The following ZNF521 variants were observed in gnomAD, a reference collection of about 807,000 sequenced individuals.
ZNF521 encodes zinc finger protein 521, also known as LYST-interacting protein 3.
A neutral mutation model predicts 105.5 loss-of-function variants in ZNF521; 14 were observed. That is an observed-to-expected ratio of 0.13 (90% confidence interval 0.09 to 0.21). The LOEUF is 0.21. Among genes scored for constraint, ZNF521 ranks in the 10% least tolerant of loss-of-function variants. The probability of loss-of-function intolerance (pLI) is 1.00; values close to 1 mark genes in which losing one functional copy is unlikely to be tolerated. For synonymous variants in ZNF521, 635 were observed against 606.0 expected (o/e 1.05, Z -0.70); for missense variants, 1,233 against 1,629.7 (o/e 0.76, Z 4.19).
intron 4 of ZNF521, among the ~76,000 whole-genome samples, chr18:25,203,911 T>A (rs910532654): frequency 6.6e-6 from 1 of 152,104 alleles, no homozygotes; most frequent in Admixed American, 6.6e-5. Context: ...GGTATTTGGG[T>A]CATGGAGGTG....
chr18:25,319,997 A>C (rs1912850926), intron 3 of ZNF521, among the ~76,000 whole-genome samples: 1 of 152,206 alleles, frequency 6.6e-6, no homozygotes. Flanking sequence ...GGAAAGACAG[A>C]GGCTGAGAGA....
At position 25,107,809 on chromosome 18, in the gene ZNF521, A is replaced by G. The variant is rs112832105; in HGVS notation, c.3659-15728T>C. 7.2e-5 allele frequency among the ~76,000 whole-genome samples: 11 copies of G among 152,224 alleles called. 1 individual carries two copies. Among genetic ancestry groups the G allele is most frequent in the African/African-American group, 2.6e-4 (11 of 41,524 alleles). On this transcript the variant is annotated intron_variant, in intron 5 of 7. Coordinates refer to ENST00000361524, the MANE Select transcript of ZNF521 (RefSeq NM_015461.3). ...CTCTCCTTATACTTAACCTTGTCCTATTGTACAAAATGTGGGAGTACTTCC... is the reference window on the plus strand; with the variant it reads ...CTCTCCTTATACTTAACCTTGTCCTGTTGTACAAAATGTGGGAGTACTTCC...
chr18:25,063,782 T>C (rs2032976435), intron 7 of ZNF521, among the ~76,000 whole-genome samples: 1 of 152,186 alleles, frequency 6.6e-6, no homozygotes, highest in Non-Finnish European at 1.5e-5. Context: ...CTCTGTGCTT[T>C]CCTGGAGCCA....
chr18:25,135,125 G>T (rs2034708728), intron 5 of ZNF521, among the ~76,000 whole-genome samples: 1 of 152,058 alleles, frequency 6.6e-6, no homozygotes, highest in Non-Finnish European at 1.5e-5. Flanking sequence ...GATTTTTACT[G>T]TTCTTGCCAA....
chr18:25,241,029 A>C (rs1389083618), intron 3 of ZNF521, among the ~76,000 whole-genome samples: 1 of 151,838 alleles, frequency 6.6e-6, no homozygotes, highest in East Asian at 1.9e-4. Context: ...TAAAAGTGCA[A>C]TATGTAAACA....
At chr18:25,181,155 T>G (rs988148860) in intron 5 of ZNF521, among the ~76,000 whole-genome samples, 1 of 152,198 alleles carries the variant, frequency 6.6e-6, no homozygotes, top group Non-Finnish European at 1.5e-5. Context: ...TCCTGCTTGA[T>G]AAATTCCAAC....
chr18:25,242,254 T>C (rs547129381), intron 3 of ZNF521, among the ~76,000 whole-genome samples: 20 of 152,262 alleles, frequency 1.3e-4, no homozygotes, highest in Middle Eastern at 3.4e-3. Context: ...CAAATCCACA[T>C]CCCCGATCTC....
At chr18:25,095,509 C>A (rs1018177006) in intron 5 of ZNF521, among the ~76,000 whole-genome samples, 1 of 152,124 alleles carries the variant, frequency 6.6e-6, no homozygotes, top group African/African-American at 2.4e-5. Context: ...ATGGGATCTT[C>A]GAACGAAACT....
At chr18:25,165,120 CTTCTT>C (rs1159208414) in intron 5 of ZNF521, among the ~76,000 whole-genome samples, 1 of 152,166 alleles carries the variant, frequency 6.6e-6, no homozygotes, top group Non-Finnish European at 1.5e-5. Flanking sequence ...GTATTCTATG[CTTCTT>C]TTCTTTTTCA....
chr18:25,205,639 C>T (rs540562187), intron 4 of ZNF521, among the ~76,000 whole-genome samples: 1 of 152,170 alleles, frequency 6.6e-6, no homozygotes, highest in South Asian at 2.1e-4. Context: ...CATCACATGC[C>T]CAGAGAGACC....
chr18:25,259,970 C>G (rs1908796885), intron 3 of ZNF521, among the ~76,000 whole-genome samples: 2 of 152,270 alleles, frequency 1.3e-5, no homozygotes, highest in Admixed American at 1.3e-4. Context: ...GTGGGGCTAC[C>G]AGAGCAAACA....
At chr18:25,305,253 T>G (rs1911910501) in intron 3 of ZNF521, among the ~76,000 whole-genome samples, 1 of 152,216 alleles carries the variant, frequency 6.6e-6, no homozygotes. Flanking sequence ...TATCAATATT[T>G]TTCATTGTAC....
rs776817930 is a variant in ZNF521, at chr18:25,227,121, G to A, written c.797C>T (p.Ala266Val). The A allele has an allele frequency of 6.2e-7, 1 of 1,614,172 alleles. No individual in the cohort carries two copies. The highest frequency in any genetic ancestry group is 8.5e-7 in the Non-Finnish European group (1 of 1,180,020). The stretch of plus-strand genomic sequence containing the variant: ...TGGGGAGCATTCGGGGTGGCACTCT[G>A]CAATGTGTTTTTGGAGGTCTTCCGG... Reference protein sequence around the residue: ...DFPEDLQKHIAECHPECSPNE... With the variant: ...DFPEDLQKHIVECHPECSPNE... Residue 266 changes from alanine (A) to valine (V), a missense_variant, in exon 4 of 8, where the codon GCA (alanine) becomes GTA (valine). Coordinates refer to ENST00000361524, the MANE Select transcript of ZNF521 (RefSeq NM_015461.3). This position sits in a 1 kb window ranked among gnomAD's most constrained non-coding sequence, Gnocchi z 5.7.
chr18:25,263,161 T>C (rs1185819739), intron 3 of ZNF521, among the ~76,000 whole-genome samples: 1 of 152,178 alleles, frequency 6.6e-6, no homozygotes, highest in East Asian at 1.9e-4. Flanking sequence ...GAGTCTCACT[T>C]AGCCCCAGGA....
intron 5 of ZNF521, among the ~76,000 whole-genome samples, chr18:25,160,259 C>T (rs561365023): frequency 1.4e-4 from 21 of 152,286 alleles, no homozygotes; most frequent in African/African-American, 5.1e-4. Context: ...GAGGATAGAA[C>T]AGTGCAGCCA....
At chr18:25,186,457 A>G (rs910615669) in intron 5 of ZNF521, among the ~76,000 whole-genome samples, 3 of 152,226 alleles carry the variant, frequency 2.0e-5, no homozygotes, top group African/African-American at 4.8e-5. Flanking sequence ...ATGACTTGGA[A>G]TAACAGGGTA....
intron 5 of ZNF521, among the ~76,000 whole-genome samples, chr18:25,163,032 A>T (rs77946636): frequency 0.02 from 2,995 of 152,182 alleles, 95 homozygotes; most frequent in African/African-American, 0.068. Context: ...TTGCTCTTTC[A>T]TTTGCAGAGA....
At chr18:25,138,778 G>A (rs1038788239) in intron 5 of ZNF521, among the ~76,000 whole-genome samples, 2 of 152,142 alleles carry the variant, frequency 1.3e-5, no homozygotes, top group Admixed American at 6.6e-5. Flanking sequence ...GTTGAGAGAA[G>A]AGAACTGGCT....
At chr18:25,224,156 C>A (rs1219049987) in intron 4 of ZNF521, 189 bp downstream of exon 4, 2 of 619,348 alleles carry the variant, frequency 3.2e-6, no homozygotes, top group Non-Finnish European at 5.6e-6. Context: ...ACCATTCAAG[C>A]CAAAATGCTG....
Sources: allele counts gnomAD v4.1 joint callset (sites outside exome capture counted in the v4.1 genomes callset), GRCh38; gene constraint gnomAD v4.1.1; non-coding constraint Gnocchi (gnomAD v3.1); transcripts MANE v1.5; gene names NCBI Gene and HGNC (gene_info 2026-07-23, HGNC 2026-07-21).